Variants in ATXN10 observed in about 807,000 individuals in gnomAD.
ATXN10 encodes the protein ataxin 10, also known as ataxin-10.
A neutral mutation model predicts 52.9 loss-of-function variants in ATXN10; 28 were observed. That is an observed-to-expected ratio of 0.53 (90% CI 0.39 to 0.73). The LOEUF is 0.73. ATXN10 is among the 30% of genes least tolerant of loss of function. The probability of loss-of-function intolerance (pLI) is 0.00; values close to 1 mark genes in which losing one functional copy is unlikely to be tolerated. For synonymous variants in ATXN10, 226 were observed against 221.5 expected (o/e 1.02, Z -0.18); for missense variants, 565 against 577.0 (o/e 0.98, Z 0.21).
At position 45,769,616 on chromosome 22, in the gene ATXN10, C is replaced by T. The variant is rs1926705828; in HGVS notation, c.1173+29078C>T. ...AGGTAAAGGGTCAGTATAGGTTTGG[C>T]TGAAGCTAGAGAGAATCTCAAATAG... On this transcript the variant is annotated intron_variant, in intron 9 of 11. Transcript: ENST00000252934. The surrounding 1 kb of genome is among the most constrained non-coding windows in gnomAD (Gnocchi z 4.2). Among the ~76,000 whole-genome samples, 1 of 152,136 alleles carries T rather than the reference C, an allele frequency of 6.6e-6. No homozygotes were observed. The highest frequency in any genetic ancestry group is 2.1e-4 in the South Asian group (1 of 4,818).
chr22:45,741,243 G>C (rs778583438), intron 9 of ATXN10, among the ~76,000 whole-genome samples: 15 of 152,218 alleles, frequency 9.9e-5, no homozygotes, highest in Non-Finnish European at 1.2e-4. Flanking sequence ...TGTGTCTGCA[G>C]TATGACTTTG....
chr22:45,770,488 ATG>A lies in ATXN10; in HGVS notation c.1173+29954_1173+29955del, dbSNP rs1430065560. ...GTTGCAACATTAGGTTGCAATGCAT[ATG>A]TGTTTCTTACGATCAGATAAATTCA... On this transcript the variant is annotated intron_variant, in intron 9 of 11. Coordinates refer to ENST00000252934, the MANE Select transcript of ATXN10 (RefSeq NM_013236.4). The surrounding 1 kb of genome is among the most constrained non-coding windows in gnomAD (Gnocchi z 4.5). Among the ~76,000 whole-genome samples, 5 of 152,334 alleles carry A rather than the reference ATG, an allele frequency of 3.3e-5. No individual in the cohort carries two copies.
Position 45,781,982 on chromosome 22 carries a change from C to T in ATXN10, c.1174-24977C>T, listed in dbSNP as rs1927164429. Among the ~76,000 whole-genome samples, 1 of 152,196 alleles carries T rather than the reference C, an allele frequency of 6.6e-6. No individual in the cohort carries two copies. Among genetic ancestry groups the T allele is most frequent in the African/African-American group, 2.4e-5 (1 of 41,446 alleles). On this transcript the variant is annotated intron_variant, in intron 9 of 11. Coordinates refer to ENST00000252934, the MANE Select transcript of ATXN10 (RefSeq NM_013236.4). This position sits in a 1 kb window ranked among gnomAD's most constrained non-coding sequence, Gnocchi z 4.2. ...AACCAAGCTTCAGGGATATGTGGGA[C>T]TTTAATAAAAGGCCGAAAAAGTATT... is the stretch of plus-strand genomic sequence containing the variant.
intron 10 of ATXN10, among the ~76,000 whole-genome samples, chr22:45,807,812 G>C (rs1474450710): frequency 6.6e-6 from 1 of 152,180 alleles, no homozygotes; most frequent in Non-Finnish European, 1.5e-5. Flanking sequence ...GGTGGGGCAG[G>C]GGTGAATAAG....
At chr22:45,676,400 A>G (rs1179810729) in intron 1 of ATXN10, 1 of 152,134 alleles carries the variant, frequency 6.6e-6, no homozygotes, top group Non-Finnish European at 1.5e-5. Context: ...AGTAGCCACT[A>G]GCTACATGTA....
Position 45,833,882 on chromosome 22 carries a change from C to T in ATXN10, c.1238-9109C>T, listed in dbSNP as rs773809223. On this transcript the variant is annotated intron_variant, in intron 10 of 11. Transcript: ENST00000252934. This position sits in a 1 kb window ranked among gnomAD's most constrained non-coding sequence, Gnocchi z 4.3. Reference sequence around the variant, plus strand: ...CGATACGGCATCGCGATCAGGGGAGCGGATGCCAGAGCCTGACTGCCTACT... The same window carrying T: ...CGATACGGCATCGCGATCAGGGGAGTGGATGCCAGAGCCTGACTGCCTACT... Among the ~76,000 whole-genome samples, 27 of 152,134 alleles carry T rather than the reference C, an allele frequency of 1.8e-4. No homozygotes were observed. Among genetic ancestry groups the T allele is most frequent in the Admixed American group, 4.6e-4 (7 of 15,276 alleles).
rs1177147314 is a variant in ATXN10 at position 45,762,910 on chromosome 22, A to G, written c.1173+22372A>G. Among the ~76,000 whole-genome samples, 1 of 152,176 alleles carries G rather than the reference A, an allele frequency of 6.6e-6. No individual in the cohort carries two copies. The highest frequency in any genetic ancestry group is 6.6e-5 in the Admixed American group (1 of 15,264). ...TCACAGCCCAGACTGTGGACTGCAGAGGCATCACCTAGGGGCTTGTCTGAG... is the reference window on the plus strand; with the variant it reads ...TCACAGCCCAGACTGTGGACTGCAGGGGCATCACCTAGGGGCTTGTCTGAG... On this transcript the variant is annotated intron_variant, in intron 9 of 11. Coordinates refer to ENST00000252934, the MANE Select transcript of ATXN10 (RefSeq NM_013236.4). This position sits in a 1 kb window ranked among gnomAD's most constrained non-coding sequence, Gnocchi z 4.3.
At chr22:45,834,140 G>C (rs929616481) in intron 10 of ATXN10, among the ~76,000 whole-genome samples, 2 of 152,164 alleles carry the variant, frequency 1.3e-5, no homozygotes, top group African/African-American at 4.8e-5. Flanking sequence ...TTTTATGAAG[G>C]TAAACTGACA....
Position 45,790,472 on chromosome 22 carries a change from A to G in ATXN10, c.1174-16487A>G, listed in dbSNP as rs765103762. Among the ~76,000 whole-genome samples the G allele has an allele frequency of 6.6e-6, 1 of 152,222 alleles. No individual in the cohort carries two copies. Among genetic ancestry groups the G allele is most frequent in the Non-Finnish European group, 1.5e-5 (1 of 68,046 alleles). On this transcript the variant is annotated intron_variant, in intron 9 of 11. Coordinates refer to ENST00000252934, the MANE Select transcript of ATXN10 (RefSeq NM_013236.4). This position sits in a 1 kb window ranked among gnomAD's most constrained non-coding sequence, Gnocchi z 4.7. ...AGCAAAAGTATGTCTCCAGAAACCA[A>G]TACTTCTTACTTGTTGCCAACTAGC...
Position 45,805,512 on chromosome 22 carries a change from G to A in ATXN10, c.1174-1447G>A, listed in dbSNP as rs889830494. ...CATATCCGTACAATGCACTGTTCAC[G>A]TTACTCAGCCGTGAAAAGAAATGAA... On this transcript the variant is annotated intron_variant, in intron 9 of 11. Coordinates refer to ENST00000252934, the MANE Select transcript of ATXN10 (RefSeq NM_013236.4). This position sits in a 1 kb window ranked among gnomAD's most constrained non-coding sequence, Gnocchi z 4.4. Among the ~76,000 whole-genome samples, 2 of 152,212 alleles carry A rather than the reference G, an allele frequency of 1.3e-5. No individual in the cohort carries two copies. Among genetic ancestry groups the A allele is most frequent in the Admixed American group, 1.3e-4 (2 of 15,280 alleles).
chr22:45,686,865 T>C (rs1386201166), intron 1 of ATXN10, among the ~76,000 whole-genome samples: 1 of 149,796 alleles, frequency 6.7e-6, no homozygotes, highest in Non-Finnish European at 1.5e-5. Context: ...AGGCAGAGGA[T>C]TGGGAGATTT....
rs199561815 is a variant in ATXN10, at chr22:45,762,567, G to C, written c.1173+22029G>C. Among the ~76,000 whole-genome samples the C allele has an allele frequency of 6.6e-6, 1 of 152,072 alleles. No homozygotes were observed. The highest frequency in any genetic ancestry group is 1.9e-4 in the East Asian group (1 of 5,178). ...TGTCTGGCCAGGGTGCTTCCTCCTC[G>C]CTCTCCAGCTGGCTGAAGGGAAGCT... On this transcript the variant is annotated intron_variant, in intron 9 of 11. Transcript: ENST00000252934. This position sits in a 1 kb window ranked among gnomAD's most constrained non-coding sequence, Gnocchi z 4.3.
chr22:45,816,136 C>A lies in ATXN10; in HGVS notation c.1237+9114C>A, dbSNP rs1928453348. On this transcript the variant is annotated intron_variant, in intron 10 of 11. Coordinates refer to ENST00000252934, the MANE Select transcript of ATXN10 (RefSeq NM_013236.4). This position sits in a 1 kb window ranked among gnomAD's most constrained non-coding sequence, Gnocchi z 5.8. ...GGCGTGGTGGCACGCACCCTTAGTCCCAGCTACTCGGGAGGCTGAGGCAGG... is the reference window on the plus strand; with the variant it reads ...GGCGTGGTGGCACGCACCCTTAGTCACAGCTACTCGGGAGGCTGAGGCAGG... Among the ~76,000 whole-genome samples, 1 of 152,102 alleles carries A rather than the reference C, an allele frequency of 6.6e-6. No individual in the cohort carries two copies. Among genetic ancestry groups the A allele is most frequent in the Non-Finnish European group, 1.5e-5 (1 of 68,002 alleles).
chr22:45,843,124 T>C lies in ATXN10; in HGVS notation c.1371T>C (p.Val457=). Reference sequence around the variant, plus strand: ...TACTTAAAAAAGTGGGTTTTGAAGTTGAAAAGAAAGGCGAAAAGCTGATCC... The same window carrying C: ...TACTTAAAAAAGTGGGTTTTGAAGTCGAAAAGAAAGGCGAAAAGCTGATCC... The part of the protein sequence containing the change: ...ASLLKKVGFE[V]EKKGEKLILK... Residue 457 remains valine (V), a synonymous_variant, in exon 11 of 12, where the codon GTT becomes GTC. Transcript: ENST00000252934. This position sits in a 1 kb window ranked among gnomAD's most constrained non-coding sequence, Gnocchi z 4.5. 6.2e-7 allele frequency: 1 copy of C among 1,614,106 alleles called. No individual in the cohort carries two copies. The highest frequency in any genetic ancestry group is 8.5e-7 in the Non-Finnish European group (1 of 1,180,010).
chr22:45,682,617 A>T (rs1922973067), intron 1 of ATXN10, among the ~76,000 whole-genome samples: 1 of 151,944 alleles, frequency 6.6e-6, no homozygotes, highest in Non-Finnish European at 1.5e-5. Context: ...GCTTAGCTAG[A>T]TTTTTCTCCT....
chr22:45,830,408 C>A (rs983240218), intron 10 of ATXN10, among the ~76,000 whole-genome samples: 2 of 152,088 alleles, frequency 1.3e-5, no homozygotes, highest in Non-Finnish European at 2.9e-5. Flanking sequence ...AATCATTCAA[C>A]AGAGTGAAAA....
Position 45,759,358 on chromosome 22 carries a change from A to G in ATXN10, c.1173+18820A>G, listed in dbSNP as rs1926294169. 3.3e-5 allele frequency among the ~76,000 whole-genome samples: 5 copies of G among 152,174 alleles called. No individual in the cohort carries two copies. The South Asian group carries it at 1.0e-3, about 32-fold the overall frequency. Reference sequence around the variant, plus strand: ...GAAACCCTGTCTCTACTAAAAATACAAAAAGTAGCCGGGCGTGGTGGCGCA... The same window carrying G: ...GAAACCCTGTCTCTACTAAAAATACGAAAAGTAGCCGGGCGTGGTGGCGCA... On this transcript the variant is annotated intron_variant, in intron 9 of 11. Transcript: ENST00000252934. The surrounding 1 kb of genome is among the most constrained non-coding windows in gnomAD (Gnocchi z 5.4).
intron 10 of ATXN10, among the ~76,000 whole-genome samples, chr22:45,812,866 C>T (rs1469536597): frequency 6.6e-6 from 1 of 152,152 alleles, no homozygotes; most frequent in Non-Finnish European, 1.5e-5. Context: ...TTGTCGGCCA[C>T]CCTACGGGTT....
At position 45,681,579 on chromosome 22, in the gene ATXN10, A is replaced by C. The variant is rs1185327776; in HGVS notation, c.117-8133A>C. 6.6e-6 allele frequency among the ~76,000 whole-genome samples: 1 copy of C among 152,168 alleles called. No individual in the cohort carries two copies. Among genetic ancestry groups the C allele is most frequent in the African/African-American group, 2.4e-5 (1 of 41,440 alleles). On this transcript the variant is annotated intron_variant, in intron 1 of 11. Coordinates refer to ENST00000252934, the MANE Select transcript of ATXN10 (RefSeq NM_013236.4). This position sits in a 1 kb window ranked among gnomAD's most constrained non-coding sequence, Gnocchi z 4.2. Reference sequence around the variant, plus strand: ...TCCTCAACTCCACTGCCTCCTCTCTAAACTTTGTTATGTTTGCCTGGTAAA... The same window carrying C: ...TCCTCAACTCCACTGCCTCCTCTCTCAACTTTGTTATGTTTGCCTGGTAAA...
Sources: allele counts gnomAD v4.1 joint callset (sites outside exome capture counted in the v4.1 genomes callset), GRCh38; gene constraint gnomAD v4.1.1; non-coding constraint Gnocchi (gnomAD v3.1); transcripts MANE v1.5; gene names NCBI Gene and HGNC (gene_info 2026-07-23, HGNC 2026-07-21).